Variants in PLCL1 observed in about 807,000 individuals in gnomAD.
PLCL1 encodes phospholipase C like 1 (inactive).
PLCL1 carries 41 observed loss-of-function variants against 84.4 expected under a neutral mutation model. That is an observed-to-expected ratio of 0.49 (90% CI 0.38 to 0.63). PLCL1 has a LOEUF of 0.63. PLCL1 is among the 30% of genes least tolerant of loss of function. The pLI, the probability that PLCL1 is intolerant of heterozygous loss-of-function variation, is 0.00. For synonymous variants in PLCL1, 490 were observed against 488.3 expected (o/e 1.00, Z -0.05); for missense variants, 1,206 against 1,367.8 (o/e 0.88, Z 1.87).
At chr2:197,875,922 G>C (rs78602546) in intron 1 of PLCL1, among the ~76,000 whole-genome samples, 1 of 152,238 alleles carries the variant, frequency 6.6e-6, no homozygotes, top group African/African-American at 2.4e-5. Context: ...TAAATGTTTG[G>C]CTGAGCCTGG....
intron 1 of PLCL1, among the ~76,000 whole-genome samples, chr2:197,858,462 G>A (rs149342843): frequency 4.6e-5 from 7 of 152,164 alleles, no homozygotes; most frequent in African/African-American, 1.4e-4. Flanking sequence ...TCCCTTATGC[G>A]GGGTGGTACT....
At chr2:198,118,004 C>T (rs183618064) in intron 5 of PLCL1, among the ~76,000 whole-genome samples, 1 of 151,768 alleles carries the variant, frequency 6.6e-6, no homozygotes, top group African/African-American at 2.4e-5. Context: ...AGGCTCGTTT[C>T]TTATATTAAA....
chr2:197,893,943 C>G (rs1688080719), intron 1 of PLCL1, among the ~76,000 whole-genome samples: 1 of 151,890 alleles, frequency 6.6e-6, no homozygotes, highest in South Asian at 2.1e-4. Context: ...TGTTGACTTT[C>G]GTTCTCAGGC....
intron 1 of PLCL1, among the ~76,000 whole-genome samples, chr2:198,029,700 CCTCTTCT>C (rs140453366): frequency 1.0e-5 from 1 of 97,650 alleles, no homozygotes; most frequent in East Asian, 3.6e-4. Flanking sequence ...CCTCTTCTCT[CCTCTTCT>C]CTCTTCTCTT....
intron 1 of PLCL1, among the ~76,000 whole-genome samples, chr2:197,895,161 A>G (rs1352491074): frequency 6.6e-6 from 1 of 151,988 alleles, no homozygotes; most frequent in Non-Finnish European, 1.5e-5. Flanking sequence ...GTCATAAGTT[A>G]TCACTTTGGA....
chr2:197,852,633 G>A (rs1311047474), intron 1 of PLCL1, among the ~76,000 whole-genome samples: 2 of 152,142 alleles, frequency 1.3e-5, no homozygotes, highest in African/African-American at 4.8e-5. Context: ...GTATAGAAAT[G>A]TTGATAGATG....
At chr2:198,073,443 C>G (rs1233744388) in intron 1 of PLCL1, among the ~76,000 whole-genome samples, 1 of 152,160 alleles carries the variant, frequency 6.6e-6, no homozygotes, top group Non-Finnish European at 1.5e-5. Flanking sequence ...ATAGTTCTAA[C>G]CCATTCCGGA....
intron 1 of PLCL1, among the ~76,000 whole-genome samples, chr2:197,843,909 T>A (rs1299519305): frequency 1.3e-5 from 2 of 152,148 alleles, no homozygotes; most frequent in Non-Finnish European, 2.9e-5. Context: ...TTTTCATCTT[T>A]TTACCAGGCA....
In PLCL1 at chr2:198,100,154, GC is replaced by G. The variant is rs561422669; in HGVS notation, c.2920-1130del. ...GAGAGAAGAAATAAGTATCACAAAA[GC>G]AAAACGGGGAAAAAAGTGATTATGT... is the stretch of plus-strand genomic sequence containing the variant. On this transcript the variant is annotated intron_variant, in intron 3 of 5. Transcript: ENST00000428675. 1.9e-3 allele frequency among the ~76,000 whole-genome samples: 293 copies of G among 152,162 alleles called. 1 individual carries two copies. The highest frequency in any genetic ancestry group is 6.9e-3 in the African/African-American group (285 of 41,540).
intron 5 of PLCL1, among the ~76,000 whole-genome samples, chr2:198,107,810 G>T (rs1693525540): frequency 6.6e-6 from 1 of 151,842 alleles, no homozygotes. Context: ...CATACTAGCT[G>T]CTGGTATTTC....
chr2:198,022,602 T>G (rs1170265086), intron 1 of PLCL1, among the ~76,000 whole-genome samples: 1 of 151,946 alleles, frequency 6.6e-6, no homozygotes, highest in Admixed American at 6.6e-5. Context: ...TACACACCAA[T>G]AACAGACAAA....
At chr2:197,877,990 A>T (rs917896034) in intron 1 of PLCL1, among the ~76,000 whole-genome samples, 1 of 152,124 alleles carries the variant, frequency 6.6e-6, no homozygotes, top group East Asian at 1.9e-4. Context: ...AGTGTGTGTT[A>T]GTTAGAGACA....
chr2:197,994,621 T>G (rs1379194418), intron 1 of PLCL1, among the ~76,000 whole-genome samples: 2 of 152,222 alleles, frequency 1.3e-5, no homozygotes, highest in African/African-American at 4.8e-5. Flanking sequence ...TTTAAGTAGC[T>G]AAAACCTAAA....
chr2:197,984,186 G>A (rs1312036770), intron 1 of PLCL1, among the ~76,000 whole-genome samples: 1 of 152,110 alleles, frequency 6.6e-6, no homozygotes, highest in African/African-American at 2.4e-5. Flanking sequence ...ATGTTTTAAT[G>A]GTTTGTTTCA....
chr2:197,997,269 C>A (rs990718704), intron 1 of PLCL1, among the ~76,000 whole-genome samples: 3 of 152,226 alleles, frequency 2.0e-5, no homozygotes, highest in Non-Finnish European at 4.4e-5. Flanking sequence ...CTGCTGGTAT[C>A]TGCTTCTTTG....
intron 1 of PLCL1, among the ~76,000 whole-genome samples, chr2:197,872,718 T>C (rs951799968): frequency 6.6e-6 from 1 of 152,150 alleles, no homozygotes; most frequent in African/African-American, 2.4e-5. Context: ...AAATTCTCAA[T>C]TAGCTATTTT....
chr2:197,974,912 C>T (rs994104007), intron 1 of PLCL1, among the ~76,000 whole-genome samples: 3 of 151,848 alleles, frequency 2.0e-5, no homozygotes, highest in Non-Finnish European at 4.4e-5. Flanking sequence ...GAGGCCGAGG[C>T]GGGTGGATCA....
chr2:197,925,568 C>T (rs1347910079), intron 1 of PLCL1, among the ~76,000 whole-genome samples: 4 of 152,146 alleles, frequency 2.6e-5, no homozygotes. Flanking sequence ...TGGAGCCACT[C>T]CTAGCCAAGG....
chr2:197,960,559 A>G (rs745670913), intron 1 of PLCL1, among the ~76,000 whole-genome samples: 1 of 152,072 alleles, frequency 6.6e-6, no homozygotes, highest in East Asian at 1.9e-4. Context: ...CTGCAAATAC[A>G]TTTTGGTGGG....
Sources: gnomAD v4.1 joint callset for allele counts (sites outside exome capture counted in the v4.1 genomes callset) on GRCh38, gnomAD v4.1.1 for gene constraint, MANE v1.5 for transcripts, NCBI Gene and HGNC (gene_info 2026-07-23, HGNC 2026-07-21) for gene names.